The following TRIM2 variants were observed in gnomAD, a reference collection of about 807,000 sequenced individuals.
TRIM2 encodes tripartite motif-containing protein 2.
A neutral mutation model predicts 75.2 loss-of-function variants in TRIM2; 20 were observed. That is an observed-to-expected ratio of 0.27 (90% CI 0.19 to 0.39). The LOEUF (loss-of-function observed/expected upper bound fraction) is 0.39. Ranked by LOEUF, TRIM2 falls within the 10% of genes least tolerant of loss-of-function variation. The pLI is 1.00. For missense variants in TRIM2, 660 were observed against 990.8 expected, an observed-to-expected ratio of 0.67 and a Z score of 4.48; for synonymous variants, 373 against 388.3, an observed-to-expected ratio of 0.96 and a Z score of 0.46.
chr4:153,288,799 A>G (rs919436064), intron 3 of TRIM2, among the ~76,000 whole-genome samples: 10 of 150,322 alleles, frequency 6.7e-5, no homozygotes, highest in Admixed American at 6.6e-4. Flanking sequence ...CCTGCCTCAC[A>G]GACTGTATAA....
chr4:153,259,640 C>T (rs1244930586), intron 1 of TRIM2, among the ~76,000 whole-genome samples: 1 of 152,182 alleles, frequency 6.6e-6, no homozygotes, highest in Non-Finnish European at 1.5e-5. Flanking sequence ...TTTGCACATA[C>T]CTGTGATAGC....
At chr4:153,208,676 C>T (rs916563238) in intron 1 of TRIM2, among the ~76,000 whole-genome samples, 2 of 152,016 alleles carry the variant, frequency 1.3e-5, no homozygotes, top group Admixed American at 6.6e-5. Context: ...AAAATGGGAA[C>T]GATATTGTCT....
At chr4:153,270,577 C>T in intron 2 of TRIM2, 58 bp downstream of exon 2, 1 of 1,405,418 alleles carries the variant, frequency 7.1e-7, no homozygotes, top group South Asian at 1.5e-5. Context: ...CTACAACCTA[C>T]TGCAGGATTC....
intron 2 of TRIM2, among the ~76,000 whole-genome samples, chr4:153,275,292 G>A (rs1757769861): frequency 2.6e-5 from 4 of 152,226 alleles, no homozygotes; most frequent in Admixed American, 2.6e-4. Context: ...GTTGATACCT[G>A]TTGAGTAGAG....
rs111908053 is a variant in TRIM2, at chr4:153,315,637, T to G, written c.1614+49T>G. ...TTAACTACTTATATTGATAAAAATA[T>G]ATATAGTTACATATATTCCTACTTT... is the stretch of plus-strand genomic sequence containing the variant. On this transcript the variant is annotated intron_variant, in intron 7 of 11. Coordinates refer to ENST00000338700, the MANE Select transcript of TRIM2 (RefSeq NM_015271.5). 3.8e-3 allele frequency: 5,578 copies of G among 1,486,608 alleles called. 173 individuals carry two copies. In the African/African-American group the frequency reaches 0.071, roughly 19 times the overall value. 92.1% of individuals were successfully genotyped at this position (1,486,608 alleles called of 1,614,324 possible).
At chr4:153,298,352 G>A (rs1763172264) in intron 6 of TRIM2, among the ~76,000 whole-genome samples, 1 of 152,172 alleles carries the variant, frequency 6.6e-6, no homozygotes, top group South Asian at 2.1e-4. Flanking sequence ...AGAGTTAGAA[G>A]TCCAAAATCC....
intron 8 of TRIM2, among the ~76,000 whole-genome samples, chr4:153,321,814 C>A (rs751617123): frequency 6.6e-6 from 1 of 152,174 alleles, no homozygotes; most frequent in Non-Finnish European, 1.5e-5. Flanking sequence ...CTGTGTGCTA[C>A]ACTCTACAGT....
chr4:153,244,167 TCTTC>T (rs1747573839), intron 1 of TRIM2, among the ~76,000 whole-genome samples: 1 of 142,950 alleles, frequency 7.0e-6, no homozygotes. Context: ...TTCTTCTTCT[TCTTC>T]TTCTTCTTCT....
intron 1 of TRIM2, among the ~76,000 whole-genome samples, chr4:153,208,185 C>T (rs1815209235): frequency 6.6e-6 from 1 of 152,110 alleles, no homozygotes; most frequent in African/African-American, 2.4e-5. Flanking sequence ...GTGGTCTCAG[C>T]TACTCAGGAG....
intron 1 of TRIM2, among the ~76,000 whole-genome samples, chr4:153,243,824 C>T (rs1200860411): frequency 6.2e-4 from 84 of 135,228 alleles, no homozygotes; most frequent in Non-Finnish European, 7.1e-4. Context: ...TTTTTCCCCC[C>T]CCCCTTGAGA....
rs541063475 is a variant in TRIM2, at chr4:153,337,564, G to A, written c.*2598G>A. 1.0e-6 allele frequency: 1 copy of A among 985,706 alleles called. No individual in the cohort carries two copies. Among genetic ancestry groups the A allele is most frequent in the South Asian group, 4.7e-5 (1 of 21,274 alleles). 61.1% of individuals were successfully genotyped at this position (985,706 alleles called of 1,614,324 possible). ...AAAGTATAGATAACATTTCACACTT[G>A]GATACATATGTGCATTTACTGTATT... On this transcript the variant is annotated 3_prime_UTR_variant, in exon 12 of 12. Coordinates refer to ENST00000338700, the MANE Select transcript of TRIM2 (RefSeq NM_015271.5).
chr4:153,322,806 G>T lies in TRIM2; in HGVS notation c.1941G>T (p.Arg647Ser). The T allele has an allele frequency of 6.2e-6, 10 of 1,614,158 alleles. No individual in the cohort carries two copies. Among genetic ancestry groups the T allele is most frequent in the Non-Finnish European group, 8.5e-6 (10 of 1,180,034 alleles). ...TRFGSRGNGDRQFAGPHFAAV... is the reference protein window; with the variant it reads ...TRFGSRGNGDSQFAGPHFAAV... The stretch of plus-strand genomic sequence containing the variant: ...TTGGTAGCCGAGGAAATGGGGACAG[G>T]CAGTTTGCAGGTACACTCGATGGTA... The change falls in exon 9 of 12, where the codon AGG becomes AGT. Residue 647 changes from arginine (R) to serine (S), a missense_variant. Physicochemically the swap from Arg to Ser is moderately radical, Grantham distance 110. Coordinates refer to ENST00000338700, the MANE Select transcript of TRIM2 (RefSeq NM_015271.5).
chr4:153,321,227 G>A (rs948782123), intron 8 of TRIM2, among the ~76,000 whole-genome samples: 10 of 152,228 alleles, frequency 6.6e-5, no homozygotes, highest in Non-Finnish European at 1.2e-4. Context: ...ATGTGACTGA[G>A]ACATACTTGA....
intron 3 of TRIM2, among the ~76,000 whole-genome samples, chr4:153,280,813 T>C (rs1484653998): frequency 1.3e-5 from 2 of 151,988 alleles, no homozygotes; most frequent in Non-Finnish European, 2.9e-5. Context: ...GCCGCCCGAG[T>C]AGCTGGGACT....
chr4:153,171,304 G>T (rs923543784), intron 1 of TRIM2, among the ~76,000 whole-genome samples: 2 of 152,174 alleles, frequency 1.3e-5, no homozygotes, highest in African/African-American at 4.8e-5. Context: ...TATGAATTGG[G>T]GCTAGACGTG....
chr4:153,259,336 C>A (rs1452432117), intron 1 of TRIM2, among the ~76,000 whole-genome samples: 2 of 152,002 alleles, frequency 1.3e-5, no homozygotes, highest in African/African-American at 4.8e-5. Context: ...TGAAAATGTT[C>A]TTTATCTGGG....
rs763407216 is a variant in TRIM2, at chr4:153,199,228, T to C, written c.-49+45958T>C. Among the ~76,000 whole-genome samples the C allele has an allele frequency of 2.0e-5, 3 of 152,210 alleles. No individual in the cohort carries two copies. The East Asian group carries it at 5.8e-4, about 29-fold the overall frequency. Reference sequence around the variant, plus strand: ...TTCTTTCCATGTTTTCAAAGTCTCCTCTTCCTCCTCGTTGTCAGTTCATTT... The same window carrying C: ...TTCTTTCCATGTTTTCAAAGTCTCCCCTTCCTCCTCGTTGTCAGTTCATTT... On this transcript the variant is annotated intron_variant, in intron 1 of 11. Coordinates refer to the TRIM2 transcript ENST00000437508.
At chr4:153,226,353 T>C (rs537792440) in intron 1 of TRIM2, among the ~76,000 whole-genome samples, 1 of 152,360 alleles carries the variant, frequency 6.6e-6, no homozygotes, top group South Asian at 2.1e-4. Flanking sequence ...TATGTCAGCA[T>C]CTTTATTAAT....
At chr4:153,170,009 A>G (rs1730686186) in intron 1 of TRIM2, among the ~76,000 whole-genome samples, 1 of 152,212 alleles carries the variant, frequency 6.6e-6, no homozygotes, top group South Asian at 2.1e-4. Context: ...GGAGGTATTC[A>G]TGGCGCCTGC....
Sources: allele counts gnomAD v4.1 joint callset (sites outside exome capture counted in the v4.1 genomes callset), GRCh38; gene constraint gnomAD v4.1.1; transcripts MANE v1.5; gene names NCBI Gene and HGNC (gene_info 2026-07-23, HGNC 2026-07-21).